Variants in RNF38 observed in about 807,000 individuals in gnomAD.
RNF38 encodes ring finger protein 38, also known as E3 ubiquitin-protein ligase RNF38.
A neutral mutation model predicts 67.2 loss-of-function variants in RNF38; 15 were observed. The observed-to-expected ratio is 0.22, with a 90% confidence interval of 0.15 to 0.34. RNF38 has a LOEUF of 0.34. Ranked by LOEUF, RNF38 falls within the 10% of genes least tolerant of loss-of-function variation. RNF38 has a pLI of 1.00. For missense variants in RNF38, 524 were observed against 639.9 expected (o/e 0.82, Z 1.95); for synonymous variants, 220 against 218.8 (o/e 1.01, Z -0.05).
intron 1 of RNF38, among the ~76,000 whole-genome samples, chr9:36,428,474 T>C (rs1025635623): frequency 2.5e-4 from 35 of 138,786 alleles, no homozygotes; most frequent in South Asian, 7.0e-4. Flanking sequence ...TATATATATA[T>C]ACACGTATAA....
chr9:36,376,682 T>G (rs1835809892), intron 2 of RNF38, among the ~76,000 whole-genome samples: 1 of 151,998 alleles, frequency 6.6e-6, no homozygotes, highest in African/African-American at 2.4e-5. Context: ...TCCCAGCACT[T>G]TGGGAGGCAG....
intron 3 of RNF38, 52 bp downstream of exon 3, chr9:36,375,882 C>A (rs370091652): frequency 2.0e-5 from 31 of 1,515,084 alleles, no homozygotes; most frequent in Non-Finnish European, 2.6e-5. Context: ...TAAATATACT[C>A]ACAAATCTAC....
chr9:36,358,246 G>C lies in RNF38; in HGVS notation c.571-304C>G, dbSNP rs73648743. 3.8e-3 allele frequency among the ~76,000 whole-genome samples: 572 copies of C among 152,196 alleles called. 3 individuals are homozygous for C. The highest frequency in any genetic ancestry group is 0.013 in the African/African-American group (548 of 41,514). On this transcript the variant is annotated intron_variant, in intron 4 of 11. Transcript: ENST00000259605. ...CTGTCCTATAAAGGCAGAATAAAAA[G>C]AACTGGAATCATTAAAGCTTGTATC... is the stretch of plus-strand genomic sequence containing the variant.
intron 3 of RNF38, among the ~76,000 whole-genome samples, chr9:36,370,508 T>C (rs934198956): frequency 1.4e-4 from 21 of 152,186 alleles, no homozygotes; most frequent in Non-Finnish European, 2.6e-4. Flanking sequence ...ATTGAGAATA[T>C]GATAGTATCA....
chr9:36,399,941 C>A (rs1454972458), intron 1 of RNF38, among the ~76,000 whole-genome samples, 156 bp downstream of exon 1: 1 of 152,044 alleles, frequency 6.6e-6, no homozygotes, highest in Non-Finnish European at 1.5e-5. Context: ...AGTTTTCATA[C>A]GTTAAGTCCA....
At position 36,412,596 on chromosome 9, in the gene RNF38, C is replaced by T. The variant is rs557206189; in HGVS notation, n.312+12017G>A. Reference sequence around the variant, plus strand: ...TTAGCGCCATCCACTTGGTGAAGAGCGAGATGAGATCTCGCTTTGGTAGTC... The same window carrying T: ...TTAGCGCCATCCACTTGGTGAAGAGTGAGATGAGATCTCGCTTTGGTAGTC... On this transcript the variant is annotated intron_variant and non_coding_transcript_variant, in intron 2 of 3. Transcript: ENST00000488058. Among the ~76,000 whole-genome samples, 15 of 152,238 alleles carry T rather than the reference C, an allele frequency of 9.9e-5. 1 individual carries two copies. In the South Asian group the frequency reaches 2.9e-3, roughly 29 times the overall value.
intron 2 of RNF38, among the ~76,000 whole-genome samples, chr9:36,414,454 G>C (rs1213596704): frequency 1.3e-5 from 2 of 152,202 alleles, no homozygotes; most frequent in South Asian, 2.1e-4. Flanking sequence ...GGAGGCTGAG[G>C]GGGGCAGATC....
chr9:36,480,637 C>T lies in RNF38; in HGVS notation n.241+6671G>A, dbSNP rs1413409809. 4.0e-5 allele frequency among the ~76,000 whole-genome samples: 6 copies of T among 149,982 alleles called. No individual in the cohort carries two copies. The South Asian group carries it at 6.4e-4, about 16-fold the overall frequency. ...CACCATCTCAACTCACTGCAATCTCCGCCTCCCAGGCTCAAGCGATTCTCG... is the reference window on the plus strand; with the variant it reads ...CACCATCTCAACTCACTGCAATCTCTGCCTCCCAGGCTCAAGCGATTCTCG... On this transcript the variant is annotated intron_variant and non_coding_transcript_variant, in intron 1 of 3. Transcript: ENST00000488058.
intron 2 of RNF38, among the ~76,000 whole-genome samples, chr9:36,387,888 A>C (rs1055884139): frequency 1.3e-5 from 2 of 152,040 alleles, no homozygotes; most frequent in African/African-American, 4.8e-5. Flanking sequence ...AAACAAAACA[A>C]AACAAAAAAA....
intron 5 of RNF38, among the ~76,000 whole-genome samples, chr9:36,356,902 C>T (rs1834162285): frequency 6.6e-6 from 1 of 152,154 alleles, no homozygotes; most frequent in Non-Finnish European, 1.5e-5. Flanking sequence ...CAACTCTCAA[C>T]TAATTGCCTT....
chr9:36,390,205 A>G (rs1836970689), intron 2 of RNF38, among the ~76,000 whole-genome samples: 1 of 152,208 alleles, frequency 6.6e-6, no homozygotes, highest in Non-Finnish European at 1.5e-5. Flanking sequence ...ACCTATTAGG[A>G]CAAGTGATTT....
rs114263799 is a variant in RNF38 at position 36,363,668 on chromosome 9, T to C, written c.571-5726A>G. Among the ~76,000 whole-genome samples, 131 of 99,870 alleles carry C rather than the reference T, an allele frequency of 1.3e-3. 33 individuals are homozygous for C. Among genetic ancestry groups the C allele is most frequent in the African/African-American group, 3.8e-3 (126 of 33,284 alleles). 65.5% of individuals were successfully genotyped at this position (99,870 alleles called of 152,430 possible). On this transcript the variant is annotated intron_variant, in intron 4 of 11. Transcript: ENST00000259605. ...TGATTTCATTGTTGTACTAACATCA[T>C]AGAGTGTACTTATACAAACCAAGAT...
intron 1 of RNF38, among the ~76,000 whole-genome samples, chr9:36,480,312 T>C (rs1840221028): frequency 6.6e-6 from 1 of 152,128 alleles, no homozygotes; most frequent in African/African-American, 2.4e-5. Context: ...ATACCTGTTT[T>C]ACTTTCTGCC....
chr9:36,450,579 G>GT, intron 1 of RNF38, among the ~76,000 whole-genome samples: 1 of 152,118 alleles, frequency 6.6e-6, no homozygotes, highest in Non-Finnish European at 1.5e-5. Flanking sequence ...AACTTGGTGA[G>GT]TATTTCCTAA....
At chr9:36,486,949 C>T (rs904367798) in intron 1 of RNF38, among the ~76,000 whole-genome samples, 3 of 152,036 alleles carry the variant, frequency 2.0e-5, no homozygotes, top group Non-Finnish European at 1.5e-5. Context: ...TCGGGGCCCG[C>T]GCCGGCCCAG....
chr9:36,477,843 A>G (rs1325688690), intron 1 of RNF38, among the ~76,000 whole-genome samples: 2 of 151,272 alleles, frequency 1.3e-5, no homozygotes, highest in South Asian at 4.2e-4. Flanking sequence ...AAAAGAAAGA[A>G]AAAAGGATAG....
chr9:36,350,698 C>T (rs1406603497), intron 9 of RNF38, among the ~76,000 whole-genome samples: 1 of 152,224 alleles, frequency 6.6e-6, no homozygotes, highest in East Asian at 1.9e-4. Flanking sequence ...AATAGAGCAC[C>T]AATCTACCTA....
At chr9:36,425,284 A>AT (rs1348570958) in intron 1 of RNF38, among the ~76,000 whole-genome samples, 1 of 152,078 alleles carries the variant, frequency 6.6e-6, no homozygotes, top group East Asian at 1.9e-4. Flanking sequence ...CAGATTACCC[A>AT]TTTTTTTTAA....
intron 1 of RNF38, among the ~76,000 whole-genome samples, chr9:36,471,557 C>G (rs990667597): frequency 2.6e-5 from 4 of 152,156 alleles, no homozygotes; most frequent in Non-Finnish European, 5.9e-5. Context: ...GTAATCCCAG[C>G]TACTCCAGAG....
Sources: allele counts gnomAD v4.1 joint callset (sites outside exome capture counted in the v4.1 genomes callset), GRCh38; gene constraint gnomAD v4.1.1; transcripts MANE v1.5; gene names NCBI Gene and HGNC (gene_info 2026-07-23, HGNC 2026-07-21).